Variants in TUNAR observed in about 807,000 individuals in gnomAD.
TUNAR encodes the protein protein TUNAR.
chr14:95,912,927 A>T (rs1363982063), intron 2 of TUNAR, among the ~76,000 whole-genome samples: 1 of 152,014 alleles, frequency 6.6e-6, no homozygotes, highest in Non-Finnish European at 1.5e-5. Flanking sequence ...AGTAGCTGGG[A>T]CTACAGGCGC....
At chr14:95,907,041 A>T (rs752015108) in intron 2 of TUNAR, among the ~76,000 whole-genome samples, 1 of 152,174 alleles carries the variant, frequency 6.6e-6, no homozygotes, top group Non-Finnish European at 1.5e-5. Flanking sequence ...GTTGTATGTT[A>T]CATGTCTGTT....
chr14:95,895,606 A>G lies in TUNAR; in HGVS notation c.12+18429A>G, dbSNP rs933157216. 1.3e-5 allele frequency among the ~76,000 whole-genome samples: 2 copies of G among 152,084 alleles called. No individual in the cohort carries two copies. Among genetic ancestry groups the G allele is most frequent in the African/African-American group, 4.8e-5 (2 of 41,420 alleles). On this transcript the variant is annotated intron_variant, in intron 2 of 2. Transcript: ENST00000678517. The surrounding 1 kb of genome is among the most constrained non-coding windows in gnomAD (Gnocchi z 4.5). ...CAGCCTCACATTGCTACAAAGTGGG[A>G]ATTTTACCAATGATTTAAAGCCCTT... is the stretch of plus-strand genomic sequence containing the variant.
intron 2 of TUNAR, among the ~76,000 whole-genome samples, chr14:95,891,264 G>A (rs1889176299): frequency 6.6e-6 from 1 of 152,204 alleles, no homozygotes; most frequent in East Asian, 1.9e-4. Context: ...TGGAGCTTGA[G>A]AGGAACCTTT....
chr14:95,880,696 G>A (rs1333170813), intron 2 of TUNAR, among the ~76,000 whole-genome samples: 1 of 152,200 alleles, frequency 6.6e-6, no homozygotes, highest in African/African-American at 2.4e-5. Context: ...GCTGAAGCTG[G>A]GAAATGGTGA....
intron 2 of TUNAR, among the ~76,000 whole-genome samples, chr14:95,890,542 CT>C (rs775236912): frequency 3.3e-5 from 5 of 152,064 alleles, no homozygotes; most frequent in Non-Finnish European, 7.4e-5. Flanking sequence ...TCCCTCGAGG[CT>C]GTCACTGAGA....
In TUNAR at chr14:95,894,911, C is replaced by T. The variant is rs146923450; in HGVS notation, c.12+17734C>T. Among the ~76,000 whole-genome samples, 1,028 of 152,324 alleles carry T rather than the reference C, an allele frequency of 6.7e-3. 3 individuals are homozygous for T. The highest frequency in any genetic ancestry group is 0.027 in the Middle Eastern group (8 of 294). On this transcript the variant is annotated intron_variant, in intron 2 of 2. Coordinates refer to ENST00000678517, the Ensembl canonical transcript of TUNAR. ...GCCACAGGTGGCTTCCTCTTGGAGTCCACAGCATGTGCATATTGGTGCAGG... is the reference window on the plus strand; with the variant it reads ...GCCACAGGTGGCTTCCTCTTGGAGTTCACAGCATGTGCATATTGGTGCAGG...
At chr14:95,886,801 C>T (rs979642496) in intron 2 of TUNAR, among the ~76,000 whole-genome samples, 4 of 152,206 alleles carry the variant, frequency 2.6e-5, no homozygotes, top group Admixed American at 2.6e-4. Flanking sequence ...CCATTGCTGG[C>T]AGCAGTCCAC....
intron 2 of TUNAR, among the ~76,000 whole-genome samples, chr14:95,888,812 G>GT (rs1227626281): frequency 1.3e-5 from 2 of 152,234 alleles, no homozygotes; most frequent in Non-Finnish European, 2.9e-5. Flanking sequence ...GGGGATGGGG[G>GT]GGGCAGTTAG....
At chr14:95,914,799 C>G (rs763184529) in intron 2 of TUNAR, among the ~76,000 whole-genome samples, 8 of 152,182 alleles carry the variant, frequency 5.3e-5, no homozygotes, top group Non-Finnish European at 1.0e-4. Context: ...GAAACTGAAG[C>G]TCAGAGAGAT....
chr14:95,922,701 C>T, intron 2 of TUNAR, 80 bp from the exon 2 acceptor site: 1 of 397,418 alleles, frequency 2.5e-6, no homozygotes, highest in Non-Finnish European at 4.4e-6. Flanking sequence ...AAGCAGATCA[C>T]TACCCACTAC....
chr14:95,891,112 A>T (rs1889173738), intron 2 of TUNAR, among the ~76,000 whole-genome samples: 1 of 152,268 alleles, frequency 6.6e-6, no homozygotes. Flanking sequence ...TAACATTCGC[A>T]AATTAGAAAT....
intron 2 of TUNAR, among the ~76,000 whole-genome samples, chr14:95,902,901 G>A (rs1275852571): frequency 6.6e-6 from 1 of 152,086 alleles, no homozygotes; most frequent in Non-Finnish European, 1.5e-5. Context: ...TCATGGGTGG[G>A]TCTTTGAAAA....
At chr14:95,916,507 G>A (rs1042259900) in intron 2 of TUNAR, among the ~76,000 whole-genome samples, 3 of 152,150 alleles carry the variant, frequency 2.0e-5, no homozygotes, top group East Asian at 1.9e-4. Context: ...AACTCACAAC[G>A]GTAGATCCAG....
chr14:95,880,997 A>G (rs1482252665), intron 2 of TUNAR, among the ~76,000 whole-genome samples: 4 of 152,178 alleles, frequency 2.6e-5, no homozygotes, highest in Non-Finnish European at 5.9e-5. Context: ...GAACCATGCA[A>G]TGTTTTAAAT....
At chr14:95,880,051 G>A (rs957050227) in intron 2 of TUNAR, among the ~76,000 whole-genome samples, 2 of 152,150 alleles carry the variant, frequency 1.3e-5, no homozygotes, top group African/African-American at 4.8e-5. Context: ...GTTTATTCCC[G>A]ACTCAGTTGT....
chr14:95,915,715 C>T (rs190712762), intron 2 of TUNAR, among the ~76,000 whole-genome samples: 15 of 152,356 alleles, frequency 9.8e-5, no homozygotes, highest in East Asian at 7.7e-4. Flanking sequence ...AGGCCACACA[C>T]GGCGCTGTGT....
intron 2 of TUNAR, among the ~76,000 whole-genome samples, chr14:95,914,281 C>T (rs1889566863): frequency 6.6e-6 from 1 of 152,170 alleles, no homozygotes; most frequent in Non-Finnish European, 1.5e-5. Flanking sequence ...AACAGATTGG[C>T]ACAGTGGGCA....
intron 2 of TUNAR, among the ~76,000 whole-genome samples, chr14:95,914,592 C>A (rs1889572332): frequency 6.6e-6 from 1 of 152,096 alleles, no homozygotes; most frequent in Admixed American, 6.6e-5. Flanking sequence ...GCTATGTGGA[C>A]AAGTAGGGAA....
intron 2 of TUNAR, among the ~76,000 whole-genome samples, chr14:95,889,824 T>C (rs1182932776): frequency 6.6e-6 from 1 of 152,194 alleles, no homozygotes; most frequent in Non-Finnish European, 1.5e-5. Flanking sequence ...TCCTGGCTCC[T>C]GCGTCTGACA....
Sources: allele counts gnomAD v4.1 joint callset (sites outside exome capture counted in the v4.1 genomes callset), GRCh38; gene constraint gnomAD v4.1.1; non-coding constraint Gnocchi (gnomAD v3.1); transcripts MANE v1.5; gene names NCBI Gene and HGNC (gene_info 2026-07-23, HGNC 2026-07-21).